The following LGI3 variants were observed in gnomAD, a reference collection of about 807,000 sequenced individuals.
The protein encoded by LGI3 is leucine-rich repeat LGI family member 3.
LGI3 carries 47 observed loss-of-function variants against 55.4 expected under a neutral mutation model. That is an observed-to-expected ratio of 0.85 (90% CI 0.67 to 1.08). The LOEUF is 1.08. LGI3 is among the 50% of genes least tolerant of loss of function. The pLI, the probability that LGI3 is intolerant of heterozygous loss-of-function variation, is 0.00. For missense variants in LGI3, 664 were observed against 726.3 expected (o/e 0.91, Z 0.99); for synonymous variants, 326 against 315.0 (o/e 1.04, Z -0.37).
intron 1 of LGI3, among the ~76,000 whole-genome samples, chr8:22,155,779 G>A (rs991336888): frequency 6.6e-6 from 1 of 152,258 alleles, no homozygotes; most frequent in African/African-American, 2.4e-5. Context: ...GTGCTGTTGA[G>A]AGATGGGGCA....
At chr8:22,154,424 G>A in intron 3 of LGI3, 136 bp downstream of exon 3, 1 of 850,090 alleles carries the variant, frequency 1.2e-6, no homozygotes, top group South Asian at 1.4e-5. Context: ...GCCATCACGG[G>A]ATGCAAGGGC....
Position 22,147,117 on chromosome 8 carries a change from C to G in LGI3, c.*1043G>C, listed in dbSNP as rs891804020. 6.6e-6 allele frequency: 1 copy of G among 152,380 alleles called. No homozygotes were observed. The highest frequency in any genetic ancestry group is 1.5e-5 in the Non-Finnish European group (1 of 68,174). The allele number at this position is 152,380 out of a possible 1,614,324, so 9.4% of individuals were successfully genotyped here. On this transcript the variant is annotated 3_prime_UTR_variant, in exon 8 of 8. Transcript: ENST00000306317. ...GGCCAAGCTCCACTCTGGGCACCCT[C>G]GCAGGTAACTCAGGTGCTTGCAGCT... is the stretch of plus-strand genomic sequence containing the variant.
rs1449601407 is a variant in LGI3, at chr8:22,156,579, GC to G, written c.-38del. ...TCTCTCCCTGGGGCCGGCGGCCGCG[GC>G]CCCCGCCCCACCGCTCCCGCGGCTG... On this transcript the variant is annotated 5_prime_UTR_variant, in exon 1 of 8. Coordinates refer to ENST00000306317, the MANE Select transcript of LGI3 (RefSeq NM_139278.4). 1.2e-6 allele frequency: 1 copy of G among 845,144 alleles called. No homozygotes were observed. Among genetic ancestry groups the G allele is most frequent in the Non-Finnish European group, 1.6e-6 (1 of 643,862 alleles). 52.4% of individuals were successfully genotyped at this position (845,144 alleles called of 1,614,324 possible).
chr8:22,151,455 C>G lies in LGI3; in HGVS notation c.829+34G>C, dbSNP rs764354063. On this transcript the variant is annotated intron_variant, in intron 7 of 7. Coordinates refer to ENST00000306317, the MANE Select transcript of LGI3 (RefSeq NM_139278.4). ...GGAGCCCACTCCCCCCTCCCCCTAG[C>G]AAGGGCCAGCAGAACCAGATTGGGC... The G allele has an allele frequency of 3.7e-6, 6 of 1,608,370 alleles. No homozygotes were observed. In the South Asian group the frequency reaches 6.6e-5, roughly 18 times the overall value.
chr8:22,150,425 C>T (rs1827363518), intron 7 of LGI3, among the ~76,000 whole-genome samples: 2 of 125,212 alleles, frequency 1.6e-5, no homozygotes, highest in South Asian at 5.2e-4. Context: ...GTGGTGTGAT[C>T]TTGGCTCGCT....
At position 22,148,921 on chromosome 8, in the gene LGI3, C is replaced by T. The variant is rs141783437; in HGVS notation, c.886G>A (p.Val296Met). ...TAAGAGCCGCCAAACAGCTGGGCCA[C>T]GACCACGTACAGCTGGCTGTCCACC... is the stretch of plus-strand genomic sequence containing the variant. ...MVVDSQLYVV[V>M]AQLFGGSYIY... Residue 296 changes from valine (V) to methionine (M), a missense_variant, in exon 8 of 8, where the codon GTG becomes ATG. Val to Met is a conservative substitution (Grantham distance 21). Coordinates refer to ENST00000306317, the MANE Select transcript of LGI3 (RefSeq NM_139278.4). The surrounding 1 kb of genome is among the most constrained non-coding windows in gnomAD (Gnocchi z 7.0). 12 of 1,613,932 alleles carry T rather than the reference C, an allele frequency of 7.4e-6. No individual in the cohort carries two copies. The highest frequency in any genetic ancestry group is 4.4e-5 in the South Asian group (4 of 91,084).
chr8:22,151,528 A>T lies in LGI3; in HGVS notation c.790T>A (p.Tyr264Asn). The part of the protein sequence containing the change: ...VSACTILKWD[Y>N]VERQLRDYDR... ...TAGTCTCGAAGCTGCCGCTCAACAT[A>T]GTCCCACTTCAGGATGGTGCAGGCA... is the stretch of plus-strand genomic sequence containing the variant. The change falls in exon 7 of 8, where the codon TAT becomes AAT. Residue 264 changes from tyrosine to asparagine, a missense_variant. Tyr to Asn is a moderately radical substitution (Grantham distance 143). Transcript: ENST00000306317. 1 of 1,614,160 alleles carries T rather than the reference A, an allele frequency of 6.2e-7. No individual in the cohort carries two copies. The highest frequency in any genetic ancestry group is 1.1e-5 in the South Asian group (1 of 91,086).
chr8:22,149,435 C>T (rs552167054), intron 7 of LGI3, among the ~76,000 whole-genome samples: 80 of 152,264 alleles, frequency 5.3e-4, no homozygotes, highest in Middle Eastern at 6.8e-3. Context: ...CAAAGCTACC[C>T]CACTGGCAGT....
rs757667330 is a variant in LGI3, at chr8:22,154,201, G to A, written c.363C>T (p.Asn121=). Residue 121 remains asparagine (N), a synonymous_variant, in exon 4 of 8, where the codon AAC becomes AAT. Transcript: ENST00000306317. ...ACTTGGATAGTGCCCAGATGTCATTGTTCTCAATGAAGCTGGGGAAAGCGG... is the reference window on the plus strand; with the variant it reads ...ACTTGGATAGTGCCCAGATGTCATTATTCTCAATGAAGCTGGGGAAAGCGG... ...LSHLQYLFIE[N]NDIWALSKFT... 1 of 1,613,998 alleles carries A rather than the reference G, an allele frequency of 6.2e-7. No individual in the cohort carries two copies. Among genetic ancestry groups the A allele is most frequent in the South Asian group, 1.1e-5 (1 of 91,078 alleles).
intron 5 of LGI3, 82 bp downstream of exon 5, chr8:22,153,886 T>A (rs1209140465): frequency 9.1e-6 from 13 of 1,430,170 alleles, no homozygotes; most frequent in African/African-American, 1.4e-5. Context: ...CTTATGACCA[T>A]CCCAATTCTG....
chr8:22,156,086 T>C (rs1052725874), intron 1 of LGI3, among the ~76,000 whole-genome samples: 5 of 152,192 alleles, frequency 3.3e-5, no homozygotes, highest in Admixed American at 3.3e-4. Context: ...TAGGTCTCAC[T>C]GTCGCTCGTG....
At position 22,147,526 on chromosome 8, in the gene LGI3, G is replaced by GAGGCA. The variant is rs1267784026; in HGVS notation, c.*629_*633dup. ...GCAGAGGGGGCCCCCTCCAAGCAGA[G>GAGGCA]AGGCAAGGTAACAGGAGAGCCTGGT... is the stretch of plus-strand genomic sequence containing the variant. On this transcript the variant is annotated 3_prime_UTR_variant, in exon 8 of 8. Coordinates refer to ENST00000306317, the MANE Select transcript of LGI3 (RefSeq NM_139278.4). 1 of 152,600 alleles carries GAGGCA rather than the reference G, an allele frequency of 6.6e-6. No homozygotes were observed. Among genetic ancestry groups the GAGGCA allele is most frequent in the East Asian group, 1.9e-4 (1 of 5,158 alleles). The allele number at this position is 152,600 out of a possible 1,614,324, so 9.5% of individuals were successfully genotyped here.
intron 2 of LGI3, 36 bp downstream of exon 2, chr8:22,155,356 A>G (rs1270117004): frequency 1.2e-6 from 2 of 1,600,372 alleles, no homozygotes; most frequent in Non-Finnish European, 1.7e-6. Flanking sequence ...ACCACCCCAT[A>G]GTTCCCCCAA....
At chr8:22,149,996 G>C (rs1827357254) in intron 7 of LGI3, among the ~76,000 whole-genome samples, 1 of 152,084 alleles carries the variant, frequency 6.6e-6, no homozygotes, top group Admixed American at 6.6e-5. Context: ...CGCTGAGCCT[G>C]CCCTGCTCCT....
Position 22,151,444 on chromosome 8 carries a change from C to T in LGI3, c.829+45G>A, listed in dbSNP as rs368805655. 5 of 1,590,678 alleles carry T rather than the reference C, an allele frequency of 3.1e-6. No individual in the cohort carries two copies. In the South Asian group the frequency reaches 5.6e-5, roughly 18 times the overall value. ...GGTTGAACGATGGAGCCCACTCCCCCCTCCCCCTAGCAAGGGCCAGCAGAA... is the reference window on the plus strand; with the variant it reads ...GGTTGAACGATGGAGCCCACTCCCCTCTCCCCCTAGCAAGGGCCAGCAGAA... On this transcript the variant is annotated intron_variant, in intron 7 of 7. Coordinates refer to ENST00000306317, the MANE Select transcript of LGI3 (RefSeq NM_139278.4).
In LGI3 at chr8:22,155,380, C is replaced by T. The variant is rs200984473; in HGVS notation, c.278+12G>A. On this transcript the variant is annotated intron_variant, in intron 2 of 7. Coordinates refer to ENST00000306317, the MANE Select transcript of LGI3 (RefSeq NM_139278.4). ...TAGTTCCCCCAACCCTTCCACAAGG[C>T]CCTATCCATACAAGAACTGCAGCAG... The T allele has an allele frequency of 1.1e-4, 174 of 1,613,294 alleles. No individual in the cohort carries two copies. Among genetic ancestry groups the T allele is most frequent in the Admixed American group, 2.0e-4 (12 of 60,004 alleles).
At chr8:22,153,870 C>T (rs1238623522) in intron 5 of LGI3, 98 bp downstream of exon 5, 2 of 1,301,730 alleles carry the variant, frequency 1.5e-6, no homozygotes, top group African/African-American at 1.5e-5. Flanking sequence ...CCCAGCCTCT[C>T]AAGACCTTAT....
At chr8:22,156,197 TC>T (rs1476454392) in intron 1 of LGI3, 139 bp downstream of exon 1, 8 of 862,142 alleles carry the variant, frequency 9.3e-6, no homozygotes, top group Non-Finnish European at 1.4e-5. Flanking sequence ...GTGCCTGGAA[TC>T]TCCAGCCCTG....
chr8:22,148,864 A>G lies in LGI3; in HGVS notation c.943T>C (p.Phe315Leu), dbSNP rs1337547204. The change falls in exon 8 of 8, where the codon TTC (phenylalanine) becomes CTC (leucine). Residue 315 changes from phenylalanine to leucine, a missense_variant. Phe to Leu is a conservative substitution (Grantham distance 22). Transcript: ENST00000306317. This position sits in a 1 kb window ranked among gnomAD's most constrained non-coding sequence, Gnocchi z 7.0. ...GGGTCAATGTCTTGCAGCCTGGTGAAGCGCGTGGTGTTGGGATCCCAGTGG... is the reference window on the plus strand; with the variant it reads ...GGGTCAATGTCTTGCAGCCTGGTGAGGCGCGTGGTGTTGGGATCCCAGTGG... Reference protein sequence around the residue: ...IYHWDPNTTRFTRLQDIDPQR... With the variant: ...IYHWDPNTTRLTRLQDIDPQR... The G allele has an allele frequency of 2.5e-6, 4 of 1,614,046 alleles. No individual in the cohort carries two copies. The highest frequency in any genetic ancestry group is 3.4e-6 in the Non-Finnish European group (4 of 1,180,036).
Sources: allele counts gnomAD v4.1 joint callset (sites outside exome capture counted in the v4.1 genomes callset), GRCh38; gene constraint gnomAD v4.1.1; non-coding constraint Gnocchi (gnomAD v3.1); transcripts MANE v1.5; gene names NCBI Gene and HGNC (gene_info 2026-07-23, HGNC 2026-07-21).